The following OCRL variants were observed in gnomAD, a reference collection of about 807,000 sequenced individuals.
OCRL encodes the protein OCRL inositol polyphosphate-5-phosphatase, also known as inositol polyphosphate 5-phosphatase OCRL.
A neutral mutation model predicts 78.9 loss-of-function variants in OCRL; 8 were observed. That is an observed-to-expected ratio of 0.10 (90% confidence interval 0.06 to 0.18). The LOEUF (loss-of-function observed/expected upper bound fraction) is 0.18. Ranked by LOEUF, OCRL falls within the 10% of genes least tolerant of loss-of-function variation. The pLI is 1.00. For missense variants in OCRL, 454 were observed against 696.7 expected, an observed-to-expected ratio of 0.65 and a Z score of 3.92; for synonymous variants, 240 against 235.4, an observed-to-expected ratio of 1.02 and a Z score of -0.18.
In OCRL at chrX:129,575,247, G is replaced by A. The variant is rs998205577; in HGVS notation, c.1710G>A (p.Arg570=). The A allele has an allele frequency of 1.8e-6, 2 of 1,140,721 alleles. No individual in the cohort carries two copies. Among genetic ancestry groups the A allele is most frequent in the Non-Finnish European group, 2.4e-6 (2 of 831,080 alleles). The allele number at this position is 1,140,721 out of a possible 1,213,427, so 94.0% of individuals were successfully genotyped here. A position where few individuals can be genotyped will look rare whatever the true frequency, so the allele number is the denominator to read the frequency against. Residue 570 remains arginine (R), a synonymous_variant, in exon 16 of 24, where the codon AGG becomes AGA. Transcript: ENST00000371113. ...TTCCTTCCTTAGAACTCAGCAGGAG[G>A]GAGGTGAGCAAAAATACATGATCTC... The part of the protein sequence containing the change: ...DFLPSLELSR[R]EFVFENVKFR...
Position 129,589,215 on chromosome X carries a change from A to G in OCRL, c.2469+202A>G, listed in dbSNP as rs140638312. On this transcript the variant is annotated intron_variant, in intron 22 of 23. Coordinates refer to ENST00000371113, the MANE Select transcript of OCRL (RefSeq NM_000276.4). Reference sequence around the variant, plus strand: ...CTACGATATTTGCCACCTTTTTCCCATTGGCCTATTTCTGTTTACAGAAAA... The same window carrying G: ...CTACGATATTTGCCACCTTTTTCCCGTTGGCCTATTTCTGTTTACAGAAAA... 2,722 of 455,148 alleles carry G rather than the reference A, an allele frequency of 6.0e-3. 58 individuals are homozygous for G. Among genetic ancestry groups the G allele is most frequent in the African/African-American group, 0.056 (2,320 of 41,405 alleles). 37.5% of individuals were successfully genotyped at this position (455,148 alleles called of 1,213,427 possible).
Position 129,558,594 on chromosome X carries a change from A to AT in OCRL, c.440-33dup, listed in dbSNP as rs780669994. Reference sequence around the variant, plus strand: ...TTACCCTGGATATGTTGGATGTTAGATTTTTTCCCCGTTTGACTTTGGGGT... The same window carrying AT: ...TTACCCTGGATATGTTGGATGTTAGATTTTTTTCCCCGTTTGACTTTGGGGT... On this transcript the variant is annotated intron_variant, in intron 6 of 23. Transcript: ENST00000371113. The AT allele has an allele frequency of 8.4e-5, 101 of 1,206,611 alleles. No individual in the cohort carries two copies. In the South Asian group the frequency reaches 1.6e-3, roughly 19 times the overall value.
At chrX:129,569,493 C>A in intron 15 of OCRL, 94 bp downstream of exon 15, 2 of 968,477 alleles carry the variant, frequency 2.1e-6, no homozygotes, top group Non-Finnish European at 3.0e-6. Context: ...ATTCAGCAAG[C>A]CATAAATGTT....
intron 16 of OCRL, chrX:129,575,540 C>T (rs138377340): frequency 5.3e-4 from 204 of 381,972 alleles, no homozygotes; most frequent in African/African-American, 2.2e-3. Context: ...GTAAGCCCTC[C>T]GCTGTTAGAT....
At chrX:129,557,480 G>T in intron 5 of OCRL, 45 bp downstream of exon 5, 1 of 1,087,458 alleles carries the variant, frequency 9.2e-7, no homozygotes. Flanking sequence ...TTCAACGGGA[G>T]TGGAATTCTG....
chrX:129,579,944 A>C (rs1304612585), intron 18 of OCRL, among the ~76,000 whole-genome samples: 1 of 111,975 alleles, frequency 8.9e-6, no homozygotes, highest in Admixed American at 9.5e-5. Flanking sequence ...TTGGTAAGTC[A>C]GTATTTTGGA....
At chrX:129,555,433 C>T (rs1936030376) in intron 4 of OCRL, among the ~76,000 whole-genome samples, 3 of 111,677 alleles carry the variant, frequency 2.7e-5, no homozygotes, top group Admixed American at 1.9e-4. Flanking sequence ...GAGATCACGC[C>T]ACTGTGTTCC....
At position 129,590,126 on chromosome X, in the gene OCRL, G is replaced by A; in HGVS notation, c.2582-20G>A. On this transcript the variant is annotated intron_variant, in intron 23 of 23. Coordinates refer to ENST00000371113, the MANE Select transcript of OCRL (RefSeq NM_000276.4). Reference sequence around the variant, plus strand: ...TTATGTCTGACAGAAGTTTCCGCTTGTCTTTCTCTCGTCTTGTAGCTACTC... The same window carrying A: ...TTATGTCTGACAGAAGTTTCCGCTTATCTTTCTCTCGTCTTGTAGCTACTC... The A allele has an allele frequency of 8.3e-7, 1 of 1,211,699 alleles. No individual in the cohort carries two copies. The highest frequency in any genetic ancestry group is 3.0e-5 in the East Asian group (1 of 33,825).
chrX:129,579,806 A>G (rs745437968), intron 18 of OCRL, among the ~76,000 whole-genome samples: 1 of 112,534 alleles, frequency 8.9e-6, no homozygotes, highest in Admixed American at 9.4e-5. Flanking sequence ...GTGAGTTCCC[A>G]TAATTTAGTG....
chrX:129,553,160 A>G (rs1186348040), intron 4 of OCRL: 5 of 112,704 alleles, frequency 4.4e-5, no homozygotes, highest in African/African-American at 6.5e-5. Flanking sequence ...GAGAGAAACT[A>G]GATGAGTATG....
rs1213335962 is a variant in OCRL, at chrX:129,567,271, A to T, written c.1374A>T (p.Thr458=). The change falls in exon 14 of 24, where the codon ACA becomes ACT. Residue 458 remains threonine, a synonymous_variant. Transcript: ENST00000371113. The stretch of plus-strand genomic sequence containing the variant: ...ATCTGTAGCTAAATATTCAGCGCAC[A>T]CAGAAAAAAGCTTTTGTTGACTTCA... ...LKFDQLNIQR[T]QKKAFVDFNE... 3 of 1,203,623 alleles carry T rather than the reference A, an allele frequency of 2.5e-6. No homozygotes were observed. The highest frequency in any genetic ancestry group is 3.4e-6 in the Non-Finnish European group (3 of 889,104).
intron 22 of OCRL, 76 bp from the exon 23 acceptor site, chrX:129,589,769 T>TA: frequency 4.3e-6 from 3 of 691,046 alleles, no homozygotes; most frequent in Non-Finnish European, 4.7e-6. Flanking sequence ...AGACTACTAT[T>TA]ACAGCAGCTG....
At chrX:129,557,005 C>T (rs1936061729) in intron 4 of OCRL, among the ~76,000 whole-genome samples, 1 of 111,500 alleles carries the variant, frequency 9.0e-6, no homozygotes, top group Admixed American at 9.5e-5. Flanking sequence ...ATTTGAAGGT[C>T]CCTGCTTTGA....
intron 12 of OCRL, among the ~76,000 whole-genome samples, chrX:129,563,586 C>A (rs138183218): frequency 5.1e-4 from 57 of 110,995 alleles, no homozygotes; most frequent in African/African-American, 1.8e-3. Context: ...CCTTTCCAAG[C>A]CAGTATATAT....
At position 129,557,904 on chromosome X, in the gene OCRL, C is replaced by T. The variant is rs1450688994; in HGVS notation, c.393C>T (p.Ser131=). 3 of 1,205,664 alleles carry T rather than the reference C, an allele frequency of 2.5e-6. No individual in the cohort carries two copies. Among genetic ancestry groups the T allele is most frequent in the Non-Finnish European group, 3.4e-6 (3 of 889,667 alleles). Residue 131 remains serine, a synonymous_variant, in exon 6 of 24, where the codon AGC becomes AGT. Transcript: ENST00000371113. ...LLVPEQKDSS[S]WYQKLDTKDK... ...TTCCAGAGCAAAAGGACTCATCTAG[C>T]TGGTACCAGAAATTAGACACTAAGG...
At chrX:129,563,920 C>G (rs1404726838) in intron 12 of OCRL, among the ~76,000 whole-genome samples, 3 of 107,941 alleles carry the variant, frequency 2.8e-5, no homozygotes, top group African/African-American at 1.0e-4. Context: ...AAGAAACTAC[C>G]ATCAGAGTGA....
chrX:129,551,417 A>T (rs1167177361), intron 4 of OCRL, among the ~76,000 whole-genome samples: 1 of 112,115 alleles, frequency 8.9e-6, no homozygotes, highest in Non-Finnish European at 1.9e-5. Flanking sequence ...AACTGATAAG[A>T]TATAGATAAT....
In OCRL at chrX:129,576,446, C is replaced by T. The variant is rs1936370341; in HGVS notation, c.2009C>T (p.Thr670Ile). The change falls in exon 18 of 24, where the codon ACT becomes ATT. Residue 670 changes from threonine (T) to isoleucine (I), a missense_variant. Around this residue, in one of 2 missense-constraint regions of OCRL, gnomAD observed 277 missense variants for 517.1 expected, o/e 0.54. Coordinates refer to ENST00000371113, the MANE Select transcript of OCRL (RefSeq NM_000276.4). ...HLDRGKDYFL[T>I]ISGNYLPSCF... ...GATCGAGGCAAAGATTACTTCTTGACTATCAGTGGAAATTACCTCCCAAGT... is the reference window on the plus strand; with the variant it reads ...GATCGAGGCAAAGATTACTTCTTGATTATCAGTGGAAATTACCTCCCAAGT... 2 of 1,208,749 alleles carry T rather than the reference C, an allele frequency of 1.7e-6. No individual in the cohort carries two copies. Among genetic ancestry groups the T allele is most frequent in the Admixed American group, 4.4e-5 (2 of 45,814 alleles).
rs199550329 is a variant in OCRL at position 129,557,397 on chromosome X, G to C, written c.311G>C (p.Cys104Ser). Reference protein sequence around the residue: ...RRFEIPDEEHCLKFLSAVLAA... With the variant: ...RRFEIPDEEHSLKFLSAVLAA... ...TTTGAAATCCCTGATGAGGAACACT[G>C]TTTGAAGTTCCTCTCAGCTGTCCTT... Residue 104 changes from cysteine (C) to serine (S), a missense_variant, in exon 5 of 24, where the codon TGT (cysteine) becomes TCT (serine). Transcript: ENST00000371113. 14 of 1,210,727 alleles carry C rather than the reference G, an allele frequency of 1.2e-5. No homozygotes were observed. Among genetic ancestry groups the C allele is most frequent in the Non-Finnish European group, 1.1e-6 (1 of 894,563 alleles).
Sources: gnomAD v4.1 joint callset for allele counts (sites outside exome capture counted in the v4.1 genomes callset) on GRCh38, gnomAD v4.1.1 for gene constraint, gnomAD v4.1.1 regional missense constraint, MANE v1.5 for transcripts, NCBI Gene and HGNC (gene_info 2026-07-23, HGNC 2026-07-21) for gene names.